The following SPART variants were observed in gnomAD, a reference collection of about 807,000 sequenced individuals.
SPART encodes spastic paraplegia 20 (Troyer syndrome).
Under a neutral mutation model 58.7 loss-of-function variants are expected in SPART, and 35 were observed. The ratio of observed to expected loss-of-function variants is 0.60; its 90% confidence interval spans 0.46 to 0.79. The LOEUF (loss-of-function observed/expected upper bound fraction) is 0.79, where lower values mean the gene tolerates loss of function less well. Among genes scored for constraint, SPART ranks in the 30% least tolerant of loss-of-function variants. SPART has a pLI of 0.00. For synonymous variants in SPART, 284 were observed against 280.7 expected, an observed-to-expected ratio of 1.01 and a Z score of -0.12; for missense variants, 730 against 786.1, an observed-to-expected ratio of 0.93 and a Z score of 0.85.
At chr13:36,359,888 T>C (rs1593294396) in intron 1 of SPART, among the ~76,000 whole-genome samples, 1 of 117,132 alleles carries the variant, frequency 8.5e-6, no homozygotes, top group Non-Finnish European at 1.6e-5. Context: ...GGATAGTGCC[T>C]AGAACACTAA....
In SPART at chr13:36,359,936, A is replaced by AAAAC. The variant is rs1555266121; in HGVS notation, c.-3+10152_-3+10153insGTTT. Among the ~76,000 whole-genome samples, 12 of 151,352 alleles carry AAAAC rather than the reference A, an allele frequency of 7.9e-5. No individual in the cohort carries two copies. The East Asian group carries it at 1.2e-3, about 15-fold the overall frequency. On this transcript the variant is annotated intron_variant, in intron 1 of 8. Transcript: ENST00000355182. ...AGGTTGTTAATTTAAAAAAAAAAAA[A>AAAAC]AAAAAACACCTCTTTGAACATAGTA...
intron 1 of SPART, 130 bp from the exon 2 acceptor site, chr13:36,335,962 T>A: frequency 1.4e-6 from 1 of 730,814 alleles, no homozygotes; most frequent in East Asian, 2.6e-5. Flanking sequence ...TATTATACTA[T>A]CCTTTAAGCC....
At position 36,318,537 on chromosome 13, in the gene SPART, C is replaced by T. The variant is rs1442210912; in HGVS notation, c.1289-4116G>A. ...AAAATTAAATTCTGGCCCTCAAACCCCACAACAGGATTTAATTAACCTCGC... is the reference window on the plus strand; with the variant it reads ...AAAATTAAATTCTGGCCCTCAAACCTCACAACAGGATTTAATTAACCTCGC... On this transcript the variant is annotated intron_variant, in intron 5 of 8. Transcript: ENST00000438666. Among the ~76,000 whole-genome samples, 4 of 152,260 alleles carry T rather than the reference C, an allele frequency of 2.6e-5. No individual in the cohort carries two copies. In the East Asian group the frequency reaches 7.7e-4, roughly 29 times the overall value.
At chr13:36,324,232 T>C (rs946078968) in intron 5 of SPART, among the ~76,000 whole-genome samples, 6 of 152,156 alleles carry the variant, frequency 3.9e-5, no homozygotes, top group African/African-American at 1.2e-4. Context: ...AATTTCCAAA[T>C]GATGTTGGAA....
intron 8 of SPART, among the ~76,000 whole-genome samples, chr13:36,305,991 G>C (rs542049341): frequency 6.6e-6 from 1 of 152,222 alleles, no homozygotes; most frequent in South Asian, 2.1e-4. Flanking sequence ...TGATCCCACC[G>C]GCTTGTTTGT....
intron 4 of SPART, among the ~76,000 whole-genome samples, chr13:36,327,137 T>A (rs1324370175): frequency 1.3e-5 from 2 of 152,154 alleles, no homozygotes; most frequent in Non-Finnish European, 2.9e-5. Context: ...AAATGTCTAA[T>A]TTGAAACAAG....
intron 1 of SPART, among the ~76,000 whole-genome samples, chr13:36,363,105 A>G (rs1885925844): frequency 6.6e-6 from 1 of 152,214 alleles, no homozygotes. Flanking sequence ...ACTGGTCCAC[A>G]GACCACACTT....
intron 1 of SPART, among the ~76,000 whole-genome samples, chr13:36,337,114 A>G (rs1225182154): frequency 6.6e-6 from 1 of 152,174 alleles, no homozygotes; most frequent in Non-Finnish European, 1.5e-5. Flanking sequence ...GTATAGTTTC[A>G]TTTTCTGTGG....
chr13:36,313,759 C>T (rs1881375650), intron 6 of SPART, among the ~76,000 whole-genome samples: 1 of 152,142 alleles, frequency 6.6e-6, no homozygotes, highest in Non-Finnish European at 1.5e-5. Flanking sequence ...GGAGTGGCAA[C>T]GTTTAGGTTT....
At chr13:36,307,451 C>T (rs1204428609) in intron 8 of SPART, among the ~76,000 whole-genome samples, 2 of 151,980 alleles carry the variant, frequency 1.3e-5, no homozygotes, top group African/African-American at 4.8e-5. Context: ...CTACACTTAA[C>T]TATAGCATAG....
upstream of SPART, among the ~76,000 whole-genome samples, chr13:36,348,287 CT>C (rs1338230389): frequency 1.3e-5 from 2 of 152,158 alleles, no homozygotes; most frequent in African/African-American, 4.8e-5. Flanking sequence ...CCTGTACCCC[CT>C]GGCCCCCACC....
At position 36,302,323 on chromosome 13, in the gene SPART, A is replaced by G. The variant is rs1029520323; in HGVS notation, c.*2042T>C. 6.6e-6 allele frequency: 1 copy of G among 152,182 alleles called. No individual in the cohort carries two copies. The highest frequency in any genetic ancestry group is 2.4e-5 in the African/African-American group (1 of 41,450). 9.4% of individuals were successfully genotyped at this position (152,182 alleles called of 1,614,324 possible). ...AGTCAGTGAATGGTGGGAAAAGTCC[A>G]TTTTCTATAGACTAAGGCAGCACAC... On this transcript the variant is annotated 3_prime_UTR_variant, in exon 9 of 9. Transcript: ENST00000438666.
intron 4 of SPART, among the ~76,000 whole-genome samples, chr13:36,328,443 C>T (rs564392090): frequency 1.5e-4 from 23 of 152,270 alleles, no homozygotes; most frequent in African/African-American, 5.5e-4. Context: ...TCCTTCAAGA[C>T]TCATTTTAGT....
At chr13:36,344,627 G>A (rs1183704997) in intron 1 of SPART, among the ~76,000 whole-genome samples, 1 of 151,884 alleles carries the variant, frequency 6.6e-6, no homozygotes, top group African/African-American at 2.4e-5. Flanking sequence ...TATCCTCAGC[G>A]GTCTCAGAAA....
chr13:36,340,736 A>G (rs1884494368), intron 1 of SPART, among the ~76,000 whole-genome samples: 1 of 152,158 alleles, frequency 6.6e-6, no homozygotes, highest in African/African-American at 2.4e-5. Context: ...TTTTTTAAGA[A>G]AGTAAAACTG....
In SPART at chr13:36,329,530, G is replaced by A. The variant is rs745880782; in HGVS notation, c.1009-13C>T. 1.9e-6 allele frequency: 3 copies of A among 1,613,792 alleles called. No individual in the cohort carries two copies. Among genetic ancestry groups the A allele is most frequent in the African/African-American group, 1.3e-5 (1 of 74,896 alleles). On this transcript the variant is annotated splice_polypyrimidine_tract_variant and intron_variant, in intron 3 of 8. Coordinates refer to ENST00000438666, the MANE Select transcript of SPART (RefSeq NM_015087.5). ...TGTTCCAGTTGGCCTAGAGAATAAA[G>A]GTTTAAGCTTAACTCTAATCAGAAT...
At position 36,334,874 on chromosome 13, in the gene SPART, G is replaced by T. The variant is rs1883806690; in HGVS notation, c.810+147C>A. The T allele has an allele frequency of 7.7e-6, 5 of 645,400 alleles. No homozygotes were observed. In the East Asian group the frequency reaches 1.3e-4, roughly 17 times the overall value. The allele number at this position is 645,400 out of a possible 1,614,324, so 40.0% of individuals were successfully genotyped here. A position where few individuals can be genotyped will look rare whatever the true frequency, so the allele number is the denominator to read the frequency against. ...AAAGACAAACACAAACATGTTCAAG[G>T]CTCATAATTTCATGGAATATATTTA... On this transcript the variant is annotated intron_variant, in intron 2 of 8. Transcript: ENST00000438666.
At chr13:36,339,643 A>AAC (rs2137597693) in intron 1 of SPART, among the ~76,000 whole-genome samples, 1 of 150,214 alleles carries the variant, frequency 6.7e-6, no homozygotes, top group African/African-American at 2.4e-5. Flanking sequence ...AAAAAAAAAA[A>AAC]AAAAAAAAAC....
In SPART at chr13:36,308,404, T is replaced by C. The variant is rs902948500; in HGVS notation, c.1733+3741A>G. ...AGTTAGAAATACAAAGCTACTTAACTAAATTCTCACTTACCTGGTTTTTAT... is the reference window on the plus strand; with the variant it reads ...AGTTAGAAATACAAAGCTACTTAACCAAATTCTCACTTACCTGGTTTTTAT... On this transcript the variant is annotated intron_variant, in intron 8 of 8. Transcript: ENST00000438666. The C allele has an allele frequency of 2.6e-5, 4 of 152,158 alleles. No homozygotes were observed. In the South Asian group the frequency reaches 6.2e-4, roughly 24 times the overall value. The allele number at this position is 152,158 out of a possible 1,614,324, so 9.4% of individuals were successfully genotyped here.
Sources: gnomAD v4.1 joint callset for allele counts (sites outside exome capture counted in the v4.1 genomes callset) on GRCh38, gnomAD v4.1.1 for gene constraint, MANE v1.5 for transcripts, NCBI Gene and HGNC (gene_info 2026-07-23, HGNC 2026-07-21) for gene names.